The following VPS35 variants were observed in gnomAD, a reference collection of about 807,000 sequenced individuals.
VPS35 encodes VPS35 retromer complex component, also known as vacuolar protein sorting-associated protein 35.
VPS35 carries 21 observed loss-of-function variants against 98.1 expected under a neutral mutation model. The ratio of observed to expected loss-of-function variants is 0.21; its 90% confidence interval spans 0.15 to 0.31. The LOEUF is 0.31. VPS35 is among the 10% of genes least tolerant of loss of function. The pLI is 1.00. For missense variants in VPS35, 554 were observed against 950.8 expected, an observed-to-expected ratio of 0.58 and a Z score of 5.49; for synonymous variants, 268 against 318.2, an observed-to-expected ratio of 0.84 and a Z score of 1.68.
intron 6 of VPS35, among the ~76,000 whole-genome samples, chr16:46,678,019 C>T (rs1195294189): frequency 2.0e-5 from 3 of 152,182 alleles, no homozygotes; most frequent in Non-Finnish European, 2.9e-5. Context: ...GAATCACTTG[C>T]TGAAAAGGTT....
intron 12 of VPS35, among the ~76,000 whole-genome samples, chr16:46,671,280 T>G (rs1966064609): frequency 6.6e-6 from 1 of 152,222 alleles, no homozygotes; most frequent in African/African-American, 2.4e-5. Flanking sequence ...TAAAGTTTAT[T>G]ATAAGCAATA....
intron 1 of VPS35, among the ~76,000 whole-genome samples, chr16:46,684,570 A>G (rs1312570160): frequency 1.3e-5 from 2 of 152,194 alleles, no homozygotes; most frequent in Non-Finnish European, 2.9e-5. Flanking sequence ...CTGCTTGCAA[A>G]ATGAATTCAA....
intron 1 of VPS35, among the ~76,000 whole-genome samples, chr16:46,687,344 T>A (rs1966332354): frequency 6.6e-6 from 1 of 152,216 alleles, no homozygotes; most frequent in African/African-American, 2.4e-5. Context: ...AAATATAATT[T>A]GAACACCAAA....
Position 46,660,264 on chromosome 16 carries a change from C to T in VPS35, c.*208G>A, listed in dbSNP as rs1404437661. 5.9e-6 allele frequency: 2 copies of T among 336,536 alleles called. No individual in the cohort carries two copies. The highest frequency in any genetic ancestry group is 7.2e-5 in the East Asian group (1 of 13,900). The allele number at this position is 336,536 out of a possible 1,614,324, so 20.8% of individuals were successfully genotyped here. A position where few individuals can be genotyped will look rare whatever the true frequency, so the allele number is the denominator to read the frequency against. ...GATCAGTCATGCTACTTGGGGTGAT[C>T]AGAAAGACTTGAACACTTACCAAGT... On this transcript the variant is annotated 3_prime_UTR_variant, in exon 17 of 17. Coordinates refer to ENST00000299138, the MANE Select transcript of VPS35 (RefSeq NM_018206.6).
chr16:46,661,996 C>T lies in VPS35; in HGVS notation c.2068-135G>A. 7.2e-7 allele frequency: 1 copy of T among 1,388,036 alleles called. No homozygotes were observed. Among genetic ancestry groups the T allele is most frequent in the Non-Finnish European group, 9.9e-7 (1 of 1,007,928 alleles). 86.0% of individuals were successfully genotyped at this position (1,388,036 alleles called of 1,614,324 possible). ...AATTTAAATCCTTTTCATTCTCCTT[C>T]TTCTTGTTTTGAAGTATACAGCTGT... On this transcript the variant is annotated intron_variant, in intron 15 of 16. Coordinates refer to ENST00000299138, the MANE Select transcript of VPS35 (RefSeq NM_018206.6). This position sits in a 1 kb window ranked among gnomAD's most constrained non-coding sequence, Gnocchi z 4.3.
intron 5 of VPS35, among the ~76,000 whole-genome samples, 182 bp from the exon 6 acceptor site, chr16:46,679,338 T>C (rs1270724734): frequency 6.6e-6 from 1 of 152,218 alleles, no homozygotes; most frequent in African/African-American, 2.4e-5. Context: ...AAAAGTACCA[T>C]GGAGAGGACA....
chr16:46,676,425 C>A, intron 8 of VPS35, 158 bp downstream of exon 8: 1 of 645,110 alleles, frequency 1.6e-6, no homozygotes, highest in Non-Finnish European at 2.8e-6. Context: ...AGACAAGTAC[C>A]TAGTACTCAT....
chr16:46,662,876 C>CA, intron 14 of VPS35, 107 bp downstream of exon 14: 1 of 1,253,704 alleles, frequency 8.0e-7, no homozygotes, highest in Admixed American at 1.8e-5. Context: ...GGTAGTTACA[C>CA]ATTCAGTAAA....
intron 12 of VPS35, 50 bp from the exon 13 acceptor site, chr16:46,669,102 A>G (rs1326837545): frequency 6.2e-7 from 1 of 1,608,752 alleles, no homozygotes; most frequent in Non-Finnish European, 8.5e-7. Flanking sequence ...CTGATTAATC[A>G]TTTGTGAAAT....
chr16:46,675,237 T>C (rs1209146475), intron 8 of VPS35, among the ~76,000 whole-genome samples: 2 of 152,102 alleles, frequency 1.3e-5, no homozygotes, highest in Admixed American at 6.6e-5. Flanking sequence ...CAGAAATGCA[T>C]TAAAGTGACA....
intron 12 of VPS35, among the ~76,000 whole-genome samples, chr16:46,670,832 G>T (rs913227033): frequency 1.3e-5 from 2 of 152,290 alleles, no homozygotes; most frequent in East Asian, 1.9e-4. Context: ...TGAAGTACAG[G>T]TGTGTCAACT....
At chr16:46,676,522 A>T in intron 8 of VPS35, 61 bp downstream of exon 8, 2 of 1,028,644 alleles carry the variant, frequency 1.9e-6, no homozygotes, top group South Asian at 1.3e-5. Context: ...ATTCAAAAAA[A>T]TGTTTAAAAT....
intron 16 of VPS35, 165 bp from the exon 17 acceptor site, chr16:46,660,816 C>G (rs752504661): frequency 3.4e-6 from 1 of 290,036 alleles, no homozygotes. Flanking sequence ...CAATTACTGA[C>G]TATCAAAAAA....
intron 8 of VPS35, among the ~76,000 whole-genome samples, chr16:46,676,065 CA>C (rs369452932): frequency 3.3e-4 from 21 of 63,592 alleles, no homozygotes; most frequent in African/African-American, 1.0e-3. Flanking sequence ...GGATCTGTCT[CA>C]AAAAAAAAAA....
Position 46,682,096 on chromosome 16 carries a change from T to G in VPS35, c.182A>C (p.Lys61Thr). ...GELRTSMLSPKSYYELYMAIS... is the reference protein window; with the variant it reads ...GELRTSMLSPTSYYELYMAIS... ...AAAGATACAAAGTTCATAGTAACTC[T>G]TTGGTGATAACATAGAAGTCCGGAG... The change falls in exon 3 of 17, where the codon AAG (lysine) becomes ACG (threonine). Residue 61 changes from lysine to threonine, a missense_variant. Physicochemically the swap from Lys to Thr is moderately conservative, Grantham distance 78. Coordinates refer to ENST00000299138, the MANE Select transcript of VPS35 (RefSeq NM_018206.6). The G allele has an allele frequency of 6.2e-7, 1 of 1,612,786 alleles. No individual in the cohort carries two copies. The highest frequency in any genetic ancestry group is 2.2e-5 in the East Asian group (1 of 44,800).
chr16:46,668,871 A>T (rs1178603814), intron 13 of VPS35, 59 bp downstream of exon 13: 10 of 1,603,998 alleles, frequency 6.2e-6, no homozygotes, highest in African/African-American at 1.3e-5. Context: ...ACAAACACAC[A>T]CACACTCAGA....
At chr16:46,686,041 C>T (rs1220886976) in intron 1 of VPS35, among the ~76,000 whole-genome samples, 1 of 152,064 alleles carries the variant, frequency 6.6e-6, no homozygotes, top group South Asian at 2.1e-4. Flanking sequence ...AAACTGTAGC[C>T]ATTAAACTCC....
rs398124658 is a variant in VPS35 at position 46,669,001 on chromosome 16, G to T, written c.1576C>A (p.Arg526Ser). Residue 526 changes from arginine (R) to serine (S), a missense_variant, in exon 13 of 17, where the codon CGC becomes AGC. Physicochemically the swap from Arg to Ser is moderately radical, Grantham distance 110 (BLOSUM62 -1). Around this residue, in one of 5 missense-constraint regions of VPS35, gnomAD observed 254 missense variants for 390.1 expected, o/e 0.65. Coordinates refer to ENST00000299138, the MANE Select transcript of VPS35 (RefSeq NM_018206.6). The stretch of plus-strand genomic sequence containing the variant: ...AATACCAAAGGTGGCAGTGTGAAGC[G>T]AATCCGCTGATTTCCACCAGCTCCA... The part of the protein sequence containing the change: ...HFGAGGNQRI[R>S]FTLPPLVFAA... The T allele has an allele frequency of 6.2e-7, 1 of 1,614,122 alleles. No homozygotes were observed. Among genetic ancestry groups the T allele is most frequent in the Non-Finnish European group, 8.5e-7 (1 of 1,180,034 alleles).
intron 5 of VPS35, among the ~76,000 whole-genome samples, chr16:46,679,815 T>A (rs919640550): frequency 2.0e-5 from 3 of 152,190 alleles, no homozygotes; most frequent in Non-Finnish European, 2.9e-5. Flanking sequence ...AGTAACTTCA[T>A]CAATTTCTCT....
Sources: allele counts gnomAD v4.1 joint callset (sites outside exome capture counted in the v4.1 genomes callset), GRCh38; gene constraint gnomAD v4.1.1; regional missense constraint gnomAD v4.1.1; non-coding constraint Gnocchi (gnomAD v3.1); transcripts MANE v1.5; gene names NCBI Gene and HGNC (gene_info 2026-07-23, HGNC 2026-07-21).